GRIN3A: variants seen among roughly 807,000 people sequenced by gnomAD.
GRIN3A encodes glutamate ionotropic receptor NMDA type subunit 3A.
GRIN3A carries 47 observed loss-of-function variants against 92.4 expected under a neutral mutation model. That is an observed-to-expected ratio of 0.51 (90% confidence interval 0.40 to 0.65). The LOEUF (loss-of-function observed/expected upper bound fraction) is 0.65. Among genes scored for constraint, GRIN3A ranks in the 30% least tolerant of loss-of-function variants. The pLI, the probability that GRIN3A is intolerant of heterozygous loss-of-function variation, is 0.00. For synonymous variants in GRIN3A, 527 were observed against 540.6 expected (o/e 0.97, Z 0.35); for missense variants, 1,324 against 1,393.1 (o/e 0.95, Z 0.79).
intron 3 of GRIN3A, among the ~76,000 whole-genome samples, chr9:101,634,331 T>TAAAA (rs1828753841): frequency 2.4e-5 from 1 of 41,954 alleles, no homozygotes; most frequent in Non-Finnish European, 5.3e-5. Context: ...AGACTCCGTC[T>TAAAA]CAAAAAAAAA....
At chr9:101,610,298 T>C (rs543326840) in intron 6 of GRIN3A, among the ~76,000 whole-genome samples, 1 of 152,358 alleles carries the variant, frequency 6.6e-6, no homozygotes, top group Non-Finnish European at 1.5e-5. Flanking sequence ...GCTAGCTCCC[T>C]AAGTCCCCAT....
At chr9:101,650,009 A>G in intron 3 of GRIN3A, among the ~76,000 whole-genome samples, 1 of 152,078 alleles carries the variant, frequency 6.6e-6, no homozygotes, top group East Asian at 1.9e-4. Flanking sequence ...AAACTTAAAT[A>G]TGTGGCTAGC....
intron 1 of GRIN3A, among the ~76,000 whole-genome samples, chr9:101,708,374 GT>G (rs368625203): frequency 1.3e-5 from 2 of 152,126 alleles, no homozygotes; most frequent in African/African-American, 4.8e-5. Flanking sequence ...AGATAATGTG[GT>G]TTTTGTGACA....
At chr9:101,715,595 A>G (rs1829935080) in intron 1 of GRIN3A, among the ~76,000 whole-genome samples, 1 of 152,226 alleles carries the variant, frequency 6.6e-6, no homozygotes, top group South Asian at 2.1e-4. Context: ...TTTTATCATT[A>G]GAAAAAAAAT....
At chr9:101,664,880 G>A (rs917998810) in intron 3 of GRIN3A, among the ~76,000 whole-genome samples, 1 of 151,914 alleles carries the variant, frequency 6.6e-6, no homozygotes, top group African/African-American at 2.4e-5. Context: ...TTCATTGTAA[G>A]TTATCTGCTA....
Position 101,573,377 on chromosome 9 carries a change from G to A in GRIN3A, c.3145C>T (p.Pro1049Ser), listed in dbSNP as rs1329185625. The change falls in exon 9 of 9, where the codon CCT becomes TCT. Residue 1049 changes from proline (P) to serine (S), a missense_variant. Coordinates refer to ENST00000361820, the MANE Select transcript of GRIN3A (RefSeq NM_133445.3). ...GCAGGGAGCTCTCTTCTCCTTGGAG[G>A]GAGGGGGATGTCCTGGTGGATCCGG... Reference protein sequence around the residue: ...GIRIHQDIPLPPRRRELPALR... With the variant: ...GIRIHQDIPLSPRRRELPALR... The A allele has an allele frequency of 1.2e-6, 2 of 1,613,956 alleles. No homozygotes were observed. Among genetic ancestry groups the A allele is most frequent in the African/African-American group, 2.7e-5 (2 of 74,906 alleles).
intron 8 of GRIN3A, 36 bp from the exon 9 acceptor site, chr9:101,573,549 T>TCAGCACCTTGAGAG: frequency 6.6e-7 from 1 of 1,508,454 alleles, no homozygotes; most frequent in Non-Finnish European, 9.2e-7. Flanking sequence ...TACTTTCCAT[T>TCAGCACCTTGAGAG]CTGCAGCTCT....
At chr9:101,635,137 T>A (rs1828768687) in intron 3 of GRIN3A, among the ~76,000 whole-genome samples, 1 of 152,220 alleles carries the variant, frequency 6.6e-6, no homozygotes, top group Non-Finnish European at 1.5e-5. Flanking sequence ...CTACGTTAGG[T>A]CAGCTAATCT....
chr9:101,586,538 C>A (rs1256555491), intron 6 of GRIN3A, among the ~76,000 whole-genome samples: 1 of 152,060 alleles, frequency 6.6e-6, no homozygotes, highest in African/African-American at 2.4e-5. Flanking sequence ...GGAAACAAGG[C>A]CCAGTTTTGC....
intron 3 of GRIN3A, among the ~76,000 whole-genome samples, chr9:101,648,760 G>A (rs1322831012): frequency 6.6e-6 from 1 of 152,002 alleles, no homozygotes; most frequent in Non-Finnish European, 1.5e-5. Flanking sequence ...TGGTGATGTA[G>A]TATTTCCCCA....
At chr9:101,600,257 C>T (rs570221261) in intron 6 of GRIN3A, among the ~76,000 whole-genome samples, 2 of 152,236 alleles carry the variant, frequency 1.3e-5, no homozygotes, top group African/African-American at 4.8e-5. Context: ...CTACTTTAGG[C>T]TTGCTTAAAA....
intron 8 of GRIN3A, among the ~76,000 whole-genome samples, chr9:101,574,035 A>G (rs1564116866): frequency 6.6e-6 from 1 of 152,066 alleles, no homozygotes; most frequent in African/African-American, 2.4e-5. Context: ...AAAAGCATAT[A>G]AGCCACAGGT....
At chr9:101,612,999 A>G (rs1828387476) in intron 6 of GRIN3A, among the ~76,000 whole-genome samples, 1 of 152,236 alleles carries the variant, frequency 6.6e-6, no homozygotes, top group South Asian at 2.1e-4. Flanking sequence ...TAGATTTTGC[A>G]GGATATTTTG....
chr9:101,664,124 A>G (rs535622674), intron 3 of GRIN3A, among the ~76,000 whole-genome samples: 1 of 151,962 alleles, frequency 6.6e-6, no homozygotes, highest in South Asian at 2.1e-4. Context: ...GAGTGCCCAG[A>G]TCCACTCCTT....
At chr9:101,702,539 G>A (rs1197927163) in intron 1 of GRIN3A, among the ~76,000 whole-genome samples, 1 of 152,038 alleles carries the variant, frequency 6.6e-6, no homozygotes, top group Non-Finnish European at 1.5e-5. Flanking sequence ...TCTGATCTCA[G>A]CAGTTGATTC....
Position 101,570,746 on chromosome 9 carries a change from GAAGCTT to G in GRIN3A, c.*2422_*2427del, listed in dbSNP as rs1330353503. The stretch of plus-strand genomic sequence containing the variant: ...CCACTGCTCAGAATGCCTCACTAGA[GAAGCTT>G]AAGGTAAATCCGATATACAAAAATG... On this transcript the variant is annotated 3_prime_UTR_variant, in exon 9 of 9. Transcript: ENST00000361820. 6.6e-6 allele frequency: 1 copy of G among 152,610 alleles called. No homozygotes were observed. Among genetic ancestry groups the G allele is most frequent in the Non-Finnish European group, 1.5e-5 (1 of 68,048 alleles). 9.5% of individuals were successfully genotyped at this position (152,610 alleles called of 1,614,324 possible).
intron 1 of GRIN3A, among the ~76,000 whole-genome samples, chr9:101,690,958 C>G (rs866257725): frequency 2.6e-5 from 4 of 151,788 alleles, no homozygotes; most frequent in South Asian, 4.2e-4. Flanking sequence ...AGTACAATAT[C>G]AAATCATTAA....
intron 2 of GRIN3A, among the ~76,000 whole-genome samples, chr9:101,684,268 T>G (rs1042028099): frequency 3.2e-5 from 4 of 126,154 alleles, no homozygotes; most frequent in African/African-American, 1.3e-4. Context: ...CATGCTTAGC[T>G]AATTTTTTTT....
intron 4 of GRIN3A, 112 bp downstream of exon 4, chr9:101,628,144 A>G: frequency 2.0e-6 from 2 of 989,422 alleles, no homozygotes; most frequent in Non-Finnish European, 3.1e-6. Flanking sequence ...TACTTAACAC[A>G]ACGTGGGTAT....
Sources: allele counts gnomAD v4.1 joint callset (sites outside exome capture counted in the v4.1 genomes callset), GRCh38; gene constraint gnomAD v4.1.1; transcripts MANE v1.5; gene names NCBI Gene and HGNC (gene_info 2026-07-23, HGNC 2026-07-21).